The following GRIA2 variants were observed in gnomAD, a reference collection of about 807,000 sequenced individuals.
The protein encoded by GRIA2 is glutamate receptor 2.
Under a neutral mutation model 97.3 loss-of-function variants are expected in GRIA2, and 14 were observed. The ratio of observed to expected loss-of-function variants is 0.14; its 90% CI spans 0.10 to 0.23. The LOEUF is 0.23. Among genes scored for constraint, GRIA2 ranks in the 10% least tolerant of loss-of-function variants. GRIA2 has a pLI of 1.00. For missense variants in GRIA2, 558 were observed against 1,069.8 expected, an observed-to-expected ratio of 0.52 and a Z score of 6.67; for synonymous variants, 412 against 387.8, an observed-to-expected ratio of 1.06 and a Z score of -0.73.
At chr4:157,298,829 T>C (rs751590972) in intron 2 of GRIA2, among the ~76,000 whole-genome samples, 7 of 151,998 alleles carry the variant, frequency 4.6e-5, no homozygotes, top group African/African-American at 1.2e-4. Flanking sequence ...CATTTTTTGG[T>C]AAATAAATAG....
At chr4:157,289,948 G>A (rs950306695) in intron 2 of GRIA2, among the ~76,000 whole-genome samples, 3 of 151,730 alleles carry the variant, frequency 2.0e-5, no homozygotes, top group African/African-American at 7.2e-5. Flanking sequence ...TAGACTGCCT[G>A]GGTTCAAATT....
Position 157,311,622 on chromosome 4 carries a change from T to C in GRIA2, c.470-1057T>C, listed in dbSNP as rs539395818. On this transcript the variant is annotated intron_variant, in intron 3 of 15. Coordinates refer to ENST00000264426, the MANE Select transcript of GRIA2 (RefSeq NM_001083619.3). ...AGATTTTGAAGAGATATGTTCACAT[T>C]AGGTGAATCCTACATTTTATTAATC... is the stretch of plus-strand genomic sequence containing the variant. Among the ~76,000 whole-genome samples the C allele has an allele frequency of 1.4e-4, 21 of 152,184 alleles. No individual in the cohort carries two copies. In the South Asian group the frequency reaches 4.4e-3, roughly 32 times the overall value.
At chr4:157,318,130 CT>C (rs1380810870) in intron 5 of GRIA2, among the ~76,000 whole-genome samples, 3 of 152,014 alleles carry the variant, frequency 2.0e-5, no homozygotes, top group Admixed American at 6.6e-5. Flanking sequence ...ATTTGACAAG[CT>C]TCATAAATTG....
At chr4:157,350,931 C>CTTT (rs1240937135) in intron 12 of GRIA2, among the ~76,000 whole-genome samples, 5 of 117,526 alleles carry the variant, frequency 4.3e-5, no homozygotes, top group Non-Finnish European at 7.4e-5. Context: ...TTAGTTTTTT[C>CTTT]TTTTTTTTTT....
In GRIA2 at chr4:157,303,533, AT is replaced by A; in HGVS notation, c.230-14del. The A allele has an allele frequency of 6.2e-7, 1 of 1,607,078 alleles. No individual in the cohort carries two copies. The highest frequency in any genetic ancestry group is 1.1e-5 in the South Asian group (1 of 90,842). ...CCAATTTCAATGATTTTTCCTTTCT[AT>A]TTTTCCTATTCTTCTAGTCTGCTCC... On this transcript the variant is annotated intron_variant, in intron 2 of 15. Transcript: ENST00000264426.
chr4:157,290,238 A>C (rs2126833751), intron 2 of GRIA2, among the ~76,000 whole-genome samples: 1 of 152,026 alleles, frequency 6.6e-6, no homozygotes, highest in Non-Finnish European at 1.5e-5. Flanking sequence ...ATACTAACTT[A>C]CTTTAGGGGA....
intron 11 of GRIA2, among the ~76,000 whole-genome samples, chr4:157,339,110 A>G (rs1397324155): frequency 6.6e-6 from 1 of 152,020 alleles, no homozygotes; most frequent in East Asian, 1.9e-4. Context: ...TCTTATCTAT[A>G]AGACATGGTC....
chr4:157,357,640 A>G lies in GRIA2; in HGVS notation c.2044-2256A>G, dbSNP rs552747589. On this transcript the variant is annotated intron_variant, in intron 12 of 15. Coordinates refer to ENST00000264426, the MANE Select transcript of GRIA2 (RefSeq NM_001083619.3). ...TATAATACATGTGAAGCCTCATTAT[A>G]AAAAAATGACTAACAGAACTTGTAT... Among the ~76,000 whole-genome samples, 5 of 152,202 alleles carry G rather than the reference A, an allele frequency of 3.3e-5. No individual in the cohort carries two copies. The East Asian group carries it at 9.6e-4, about 29-fold the overall frequency.
intron 2 of GRIA2, among the ~76,000 whole-genome samples, chr4:157,298,955 GA>G (rs902936439): frequency 1.2e-4 from 18 of 152,140 alleles, no homozygotes; most frequent in African/African-American, 4.3e-4. Context: ...GAAGATAAGA[GA>G]AAACAATTGG....
intron 11 of GRIA2, among the ~76,000 whole-genome samples, chr4:157,339,153 G>T (rs1735436811): frequency 6.6e-6 from 1 of 151,894 alleles, no homozygotes; most frequent in African/African-American, 2.4e-5. Context: ...AATTATGAGA[G>T]CAATATGCTG....
intron 2 of GRIA2, among the ~76,000 whole-genome samples, chr4:157,246,049 C>T (rs1433407992): frequency 6.6e-6 from 1 of 151,990 alleles, no homozygotes; most frequent in African/African-American, 2.4e-5. Context: ...GTAATAATTT[C>T]TAGTTAATTT....
intron 2 of GRIA2, among the ~76,000 whole-genome samples, chr4:157,296,482 G>T (rs933121937): frequency 6.6e-6 from 1 of 152,058 alleles, no homozygotes; most frequent in Admixed American, 6.6e-5. Flanking sequence ...AAAAATTATT[G>T]TGGTTTATTT....
chr4:157,355,791 T>C (rs1266700907), intron 12 of GRIA2, among the ~76,000 whole-genome samples: 4 of 77,662 alleles, frequency 5.2e-5, no homozygotes, highest in African/African-American at 1.6e-4. Flanking sequence ...TTATATATAT[T>C]AGTTATATAT....
chr4:157,236,864 T>A (rs944228206), intron 2 of GRIA2, among the ~76,000 whole-genome samples: 2 of 152,190 alleles, frequency 1.3e-5, no homozygotes, highest in African/African-American at 2.4e-5. Flanking sequence ...CTACTTATTA[T>A]TATTTGATAC....
At chr4:157,259,741 C>A (rs767965388) in intron 2 of GRIA2, among the ~76,000 whole-genome samples, 1 of 152,116 alleles carries the variant, frequency 6.6e-6, no homozygotes, top group African/African-American at 2.4e-5. Context: ...CAAACTCTAA[C>A]TTGTCCTCCA....
intron 2 of GRIA2, 124 bp downstream of exon 2, chr4:157,221,931 A>G: frequency 5.8e-6 from 5 of 861,292 alleles, no homozygotes; most frequent in Non-Finnish European, 9.4e-6. Flanking sequence ...GGTGTGAGTG[A>G]CTGCACACAC....
chr4:157,329,082 A>G (rs1734934049), intron 6 of GRIA2, among the ~76,000 whole-genome samples: 1 of 151,980 alleles, frequency 6.6e-6, no homozygotes. Flanking sequence ...ACTGTAGTTG[A>G]ATTTGAAATT....
intron 6 of GRIA2, 69 bp downstream of exon 6, chr4:157,321,668 G>A (rs753968212): frequency 3.8e-6 from 4 of 1,051,182 alleles, no homozygotes; most frequent in Middle Eastern, 2.3e-4. Context: ...TGGCAAATAA[G>A]GAGGAAGGAG....
intron 6 of GRIA2, among the ~76,000 whole-genome samples, chr4:157,327,538 C>A (rs569866480): frequency 2.6e-5 from 4 of 152,168 alleles, no homozygotes; most frequent in African/African-American, 9.6e-5. Context: ...ATATTTCCCA[C>A]TATCTCAAAA....
Sources: gnomAD v4.1 joint callset for allele counts (sites outside exome capture counted in the v4.1 genomes callset) on GRCh38, gnomAD v4.1.1 for gene constraint, MANE v1.5 for transcripts, NCBI Gene and HGNC (gene_info 2026-07-23, HGNC 2026-07-21) for gene names.